CD38: variants seen among roughly 807,000 people sequenced by gnomAD.
CD38 encodes ADP-ribosyl cyclase/cyclic ADP-ribose hydrolase 1.
In CD38, 31 loss-of-function variants were observed where a neutral mutation model predicts 36.3. The observed-to-expected ratio is 0.85, with a 90% CI of 0.64 to 1.15. CD38 has a LOEUF of 1.15. Ranked by LOEUF, CD38 falls within the 50% of genes most tolerant of loss-of-function variation. The probability of loss-of-function intolerance (pLI) is 0.00; values close to 1 mark genes in which losing one functional copy is unlikely to be tolerated. For missense variants in CD38, 380 were observed against 371.9 expected, an observed-to-expected ratio of 1.02 and a Z score of -0.18; for synonymous variants, 131 against 135.2, an observed-to-expected ratio of 0.97 and a Z score of 0.22.
At chr4:15,804,451 T>C (rs6836374) in intron 1 of CD38, among the ~76,000 whole-genome samples, 20,832 of 152,158 alleles carry the variant, frequency 0.14, 2,656 homozygotes, top group African/African-American at 0.33. Context: ...TAAAATCATA[T>C]GTCGAAGAGA....
chr4:15,835,468 C>T (rs1034053710), intron 4 of CD38, among the ~76,000 whole-genome samples: 1 of 142,792 alleles, frequency 7.0e-6, no homozygotes, highest in Non-Finnish European at 1.5e-5. Context: ...ACCACCACCT[C>T]CTAAGTTCAA....
chr4:15,847,074 A>G (rs1291021225), intron 7 of CD38, among the ~76,000 whole-genome samples: 2 of 20,992 alleles, frequency 9.5e-5, no homozygotes, highest in Non-Finnish European at 1.4e-4. Context: ...TAACCAAATG[A>G]GTATAAATCA....
chr4:15,825,661 T>G (rs1317430238), intron 3 of CD38: 2 of 152,260 alleles, frequency 1.3e-5, no homozygotes, highest in Non-Finnish European at 2.9e-5. Context: ...GCTCCCTAAT[T>G]CCCTTCTTTT....
chr4:15,780,937 C>T (rs1037865345), intron 1 of CD38, among the ~76,000 whole-genome samples: 2 of 152,032 alleles, frequency 1.3e-5, no homozygotes, highest in Admixed American at 6.6e-5. Flanking sequence ...GCTGAAACTC[C>T]GTCTCTACTA....
intron 1 of CD38, among the ~76,000 whole-genome samples, chr4:15,807,168 T>G (rs1723360576): frequency 6.6e-6 from 1 of 152,032 alleles, no homozygotes; most frequent in African/African-American, 2.4e-5. Context: ...TACTGAGGAT[T>G]TGGGCTTGTT....
intron 2 of CD38, among the ~76,000 whole-genome samples, chr4:15,818,593 T>C (rs747538633): frequency 3.9e-5 from 6 of 152,166 alleles, no homozygotes; most frequent in Non-Finnish European, 7.4e-5. Context: ...AGACACCTCA[T>C]ACAGGAGAGC....
chr4:15,779,820 C>T (rs1247730686), intron 1 of CD38, among the ~76,000 whole-genome samples: 3 of 151,706 alleles, frequency 2.0e-5, no homozygotes, highest in Non-Finnish European at 4.4e-5. Flanking sequence ...AAAAGTAACA[C>T]TGGTCTTGAA....
chr4:15,806,552 T>G (rs1723345229), intron 1 of CD38, among the ~76,000 whole-genome samples: 1 of 152,198 alleles, frequency 6.6e-6, no homozygotes, highest in East Asian at 1.9e-4. Context: ...GTGAATGCTC[T>G]TTGGTGATCA....
intron 1 of CD38, among the ~76,000 whole-genome samples, chr4:15,803,052 C>T (rs73226572): frequency 0.053 from 8,135 of 152,190 alleles, 276 homozygotes; most frequent in Non-Finnish European, 0.065. Context: ...AGAAAGGACA[C>T]CTTTTTCAAT....
In CD38 at chr4:15,849,684, G is replaced by A. The variant is rs902301115; in HGVS notation, c.*1082G>A. 6.6e-6 allele frequency: 1 copy of A among 152,102 alleles called. No individual in the cohort carries two copies. Among genetic ancestry groups the A allele is most frequent in the Admixed American group, 6.5e-5 (1 of 15,280 alleles). 9.4% of individuals were successfully genotyped at this position (152,102 alleles called of 1,614,324 possible). A position where few individuals can be genotyped will look rare whatever the true frequency, so the allele number is the denominator to read the frequency against. On this transcript the variant is annotated 3_prime_UTR_variant, in exon 8 of 8. Coordinates refer to ENST00000226279, the MANE Select transcript of CD38 (RefSeq NM_001775.4). ...TTGTATTACTTTTTCAAAGAACTAA[G>A]CTTTAGCTTCATTGATTTTTTTCTA... is the stretch of plus-strand genomic sequence containing the variant.
chr4:15,785,893 T>C (rs185972053), intron 1 of CD38, among the ~76,000 whole-genome samples: 1 of 152,330 alleles, frequency 6.6e-6, no homozygotes, highest in East Asian at 1.9e-4. Context: ...GTGTTGGACA[T>C]GTTCGGAGTT....
intron 1 of CD38, among the ~76,000 whole-genome samples, chr4:15,781,614 C>T (rs1429132938): frequency 6.6e-6 from 1 of 152,142 alleles, no homozygotes; most frequent in Non-Finnish European, 1.5e-5. Context: ...CTCTTAAGGC[C>T]TTCAACTGAT....
At chr4:15,825,985 A>G (rs565394001) in intron 3 of CD38, 43 of 151,368 alleles carry the variant, frequency 2.8e-4, no homozygotes, top group Non-Finnish European at 5.3e-4. Context: ...TATGGTGGAT[A>G]TTTTTACTTT....
rs748797515 is a variant in CD38, at chr4:15,816,538, T to C, written c.261T>C (p.Asp87=). Reference sequence around the variant, plus strand: ...ATGTAGACTGCCAAAGTGTATGGGATGCTTTCAAGGGTGCATTTATTTCAA... The same window carrying C: ...ATGTAGACTGCCAAAGTGTATGGGACGCTTTCAAGGGTGCATTTATTTCAA... ...MRHVDCQSVW[D]AFKGAFISKH... is the part of the protein sequence containing the mutation. Residue 87 remains aspartate, a synonymous_variant, in exon 2 of 8, where the codon GAT becomes GAC. Coordinates refer to ENST00000226279, the MANE Select transcript of CD38 (RefSeq NM_001775.4). 7 of 1,613,450 alleles carry C rather than the reference T, an allele frequency of 4.3e-6. No individual in the cohort carries two copies. In the African/African-American group the frequency reaches 6.7e-5, roughly 15 times the overall value.
chr4:15,783,794 G>A (rs986380690), intron 1 of CD38, among the ~76,000 whole-genome samples: 11 of 151,930 alleles, frequency 7.2e-5, no homozygotes, highest in African/African-American at 2.7e-4. Flanking sequence ...AAAATTTCTG[G>A]CAGGATTTCT....
At chr4:15,791,033 CG>C (rs1722968888) in intron 1 of CD38, among the ~76,000 whole-genome samples, 1 of 138,690 alleles carries the variant, frequency 7.2e-6, no homozygotes, top group African/African-American at 2.8e-5. Context: ...CCACCCCGTC[CG>C]GGAGGGAGGT....
rs1281983810 is a variant in CD38, at chr4:15,840,060, C to G, written c.694C>G (p.Pro232Ala). Residue 232 changes from proline (P) to alanine (A), a missense_variant, in exon 6 of 8, where the codon CCA becomes GCA. Coordinates refer to ENST00000226279, the MANE Select transcript of CD38 (RefSeq NM_001775.4). ...GAGTGTGGAAGTCCATAATTTGCAACCAGAGAAGGTTCAGACACTAGAGGC... is the reference window on the plus strand; with the variant it reads ...GAGTGTGGAAGTCCATAATTTGCAAGCAGAGAAGGTTCAGACACTAGAGGC... ...FGSVEVHNLQ[P>A]EKVQTLEAWV... The G allele has an allele frequency of 6.2e-7, 1 of 1,613,452 alleles. No individual in the cohort carries two copies. Among genetic ancestry groups the G allele is most frequent in the African/African-American group, 1.3e-5 (1 of 74,854 alleles).
intron 5 of CD38, 60 bp from the exon 6 acceptor site, chr4:15,839,966 G>T (rs1181210901): frequency 1.8e-6 from 2 of 1,092,536 alleles, no homozygotes; most frequent in Admixed American, 1.7e-5. Context: ...GTTGTTGAGG[G>T]GGGTGTGGAT....
chr4:15,834,485 A>G (rs975823609), intron 4 of CD38, among the ~76,000 whole-genome samples, 183 bp downstream of exon 4: 1 of 152,200 alleles, frequency 6.6e-6, no homozygotes, highest in Non-Finnish European at 1.5e-5. Flanking sequence ...CAATTTTAGA[A>G]CATTCTTAGA....
Sources: allele counts gnomAD v4.1 joint callset (sites outside exome capture counted in the v4.1 genomes callset), GRCh38; gene constraint gnomAD v4.1.1; transcripts MANE v1.5; gene names NCBI Gene and HGNC (gene_info 2026-07-23, HGNC 2026-07-21).